Variants in SGPP1 observed in about 807,000 individuals in gnomAD.
SGPP1 encodes hSPP1.
Under a neutral mutation model 33.0 loss-of-function variants are expected in SGPP1, and 21 were observed. That is an observed-to-expected ratio of 0.64 (90% CI 0.45 to 0.92). The LOEUF is 0.92. Ranked by LOEUF, SGPP1 falls within the 40% of genes least tolerant of loss-of-function variation. The pLI is 0.00. For synonymous variants in SGPP1, 239 were observed against 241.2 expected (o/e 0.99, Z 0.08); for missense variants, 543 against 589.4 (o/e 0.92, Z 0.81).
At chr14:63,700,599 A>G (rs1885276760) in intron 1 of SGPP1, among the ~76,000 whole-genome samples, 1 of 152,212 alleles carries the variant, frequency 6.6e-6, no homozygotes, top group African/African-American at 2.4e-5. Context: ...ACACAAAAGC[A>G]TGCAAATGAT....
In SGPP1 at chr14:63,727,713, C is replaced by A; in HGVS notation, c.232G>T (p.Ala78Ser). 1 of 1,418,406 alleles carries A rather than the reference C, an allele frequency of 7.1e-7. No homozygotes were observed. Among genetic ancestry groups the A allele is most frequent in the Non-Finnish European group, 9.1e-7 (1 of 1,094,888 alleles). The allele number at this position is 1,418,406 out of a possible 1,614,324, so 87.9% of individuals were successfully genotyped here. ...GGGGCGCCGCCGCCGTCCGGCTTGG[C>A]CGGGCACTGATTGCGGTCGCTCCCG... Reference protein sequence around the residue: ...PPGSDRNQCPAKPDGGGAPNG... With the variant: ...PPGSDRNQCPSKPDGGGAPNG... The change falls in exon 1 of 3, where the codon GCC becomes TCC. Residue 78 changes from alanine (A) to serine (S), a missense_variant. Coordinates refer to ENST00000247225, the MANE Select transcript of SGPP1 (RefSeq NM_030791.4).
intron 1 of SGPP1, 49 bp downstream of exon 1, chr14:63,727,212 C>T: frequency 3.3e-6 from 5 of 1,524,720 alleles, no homozygotes; most frequent in East Asian, 2.3e-5. Context: ...AAGAGAACTC[C>T]GAGTTCTTTG....
rs748346423 is a variant in SGPP1 at position 63,686,498 on chromosome 14, G to A, written c.933C>T (p.Thr311=). 4 of 1,614,052 alleles carry A rather than the reference G, an allele frequency of 2.5e-6. No homozygotes were observed. Among genetic ancestry groups the A allele is most frequent in the East Asian group, 2.2e-5 (1 of 44,870 alleles). The change falls in exon 3 of 3, where the codon ACC becomes ACT. Residue 311 remains threonine (T), a synonymous_variant. Coordinates refer to ENST00000247225, the MANE Select transcript of SGPP1 (RefSeq NM_030791.4). ...ALGIFSFTLD[T]WSTSRGDTAE... is the part of the protein sequence containing the mutation. Reference sequence around the variant, plus strand: ...CTGTGTCTCCTCGGGATGTGCTCCAGGTGTCAAGAGTGAAAGAAAAGATCC... The same window carrying A: ...CTGTGTCTCCTCGGGATGTGCTCCAAGTGTCAAGAGTGAAAGAAAAGATCC...
intron 1 of SGPP1, among the ~76,000 whole-genome samples, chr14:63,719,541 A>T (rs945041477): frequency 3.9e-5 from 6 of 152,088 alleles, no homozygotes. Flanking sequence ...GTGTCATTAC[A>T]CTAGCAAACA....
chr14:63,695,205 C>T (rs890600211), intron 2 of SGPP1, among the ~76,000 whole-genome samples: 2 of 152,082 alleles, frequency 1.3e-5, no homozygotes, highest in Non-Finnish European at 2.9e-5. Flanking sequence ...TACAGGCGCC[C>T]GCCACCACGC....
Position 63,699,540 on chromosome 14 carries a change from A to C in SGPP1, c.685-882T>G, listed in dbSNP as rs148716924. Among the ~76,000 whole-genome samples the C allele has an allele frequency of 6.3e-3, 955 of 152,222 alleles. 11 individuals carry two copies. The highest frequency in any genetic ancestry group is 0.031 in the Middle Eastern group (9 of 294). On this transcript the variant is annotated intron_variant, in intron 1 of 2. Transcript: ENST00000247225. ...AGAAGAGTAGAAAATATTTAGTACG[A>C]AATTGTTGGTTTTTGGTGGTTTGTT...
Position 63,727,922 on chromosome 14 carries a change from G to A in SGPP1, c.23C>T (p.Ala8Val). 1 of 1,543,754 alleles carries A rather than the reference G, an allele frequency of 6.5e-7. No homozygotes were observed. The highest frequency in any genetic ancestry group is 8.7e-7 in the Non-Finnish European group (1 of 1,153,996). Residue 8 changes from alanine (A) to valine (V), a missense_variant, in exon 1 of 3, where the codon GCC becomes GTC. Transcript: ENST00000247225. The part of the protein sequence containing the change: MSLRQRL[A>V]QLVGRLQDPQ... Reference sequence around the variant, plus strand: ...GTCCTGCAGACGGCCAACCAGCTGGGCCAGGCGCTGCCTCAGCGACATGAT... The same window carrying A: ...GTCCTGCAGACGGCCAACCAGCTGGACCAGGCGCTGCCTCAGCGACATGAT...
At chr14:63,717,422 C>T (rs988765002) in intron 1 of SGPP1, among the ~76,000 whole-genome samples, 7 of 151,606 alleles carry the variant, frequency 4.6e-5, no homozygotes, top group Non-Finnish European at 8.8e-5. Flanking sequence ...CCCAGGTTCA[C>T]GCCATTCTCC....
rs139269196 is a variant in SGPP1, at chr14:63,727,312, G to A, written c.633C>T (p.Ser211=). The A allele has an allele frequency of 1.9e-5, 31 of 1,613,850 alleles. No individual in the cohort carries two copies. The highest frequency in any genetic ancestry group is 3.3e-5 in the Admixed American group (2 of 59,976). ...CCATAGAAATGGGGATGGCGGTGCC[G>A]GACATGGCATGGGTGGAGGGCATGC... is the stretch of plus-strand genomic sequence containing the variant. ...EYSMPSTHAM[S]GTAIPISMVL... The change falls in exon 1 of 3, where the codon TCC becomes TCT. Residue 211 remains serine, a synonymous_variant. Coordinates refer to ENST00000247225, the MANE Select transcript of SGPP1 (RefSeq NM_030791.4).
In SGPP1 at chr14:63,728,013, C is replaced by T; in HGVS notation, c.-69G>A. ...CCCGAACTGTCCCCGCGCTCCTGGC[C>T]AGCGGCAGCGGAACCGGCACAGCGC... On this transcript the variant is annotated 5_prime_UTR_variant, in exon 1 of 3. Coordinates refer to ENST00000247225, the MANE Select transcript of SGPP1 (RefSeq NM_030791.4). The T allele has an allele frequency of 2.1e-6, 3 of 1,427,628 alleles. No homozygotes were observed. The highest frequency in any genetic ancestry group is 2.7e-6 in the Non-Finnish European group (3 of 1,094,422). 88.4% of individuals were successfully genotyped at this position (1,427,628 alleles called of 1,614,324 possible).
At chr14:63,711,104 C>T (rs1885513345) in intron 1 of SGPP1, among the ~76,000 whole-genome samples, 2 of 151,362 alleles carry the variant, frequency 1.3e-5, no homozygotes, top group Non-Finnish European at 2.9e-5. Flanking sequence ...ACCTCTGCCT[C>T]CCGGGTTCAA....
Position 63,727,418 on chromosome 14 carries a change from C to T in SGPP1, c.527G>A (p.Cys176Tyr). ...IWVLVMYLGQ[C>Y]TKDIIRWPRP... ...CGGCCAGCGGATGATGTCCTTGGTG[C>T]ACTGGCCCAGGTACATGACCAGCAC... Residue 176 changes from cysteine (C) to tyrosine (Y), a missense_variant, in exon 1 of 3, where the codon TGC becomes TAC. Cys to Tyr is a radical substitution (Grantham distance 194). Coordinates refer to ENST00000247225, the MANE Select transcript of SGPP1 (RefSeq NM_030791.4). 1 of 1,613,972 alleles carries T rather than the reference C, an allele frequency of 6.2e-7. No homozygotes were observed. Among genetic ancestry groups the T allele is most frequent in the Non-Finnish European group, 8.5e-7 (1 of 1,179,980 alleles).
At chr14:63,717,475 T>C (rs2139651641) in intron 1 of SGPP1, among the ~76,000 whole-genome samples, 1 of 152,098 alleles carries the variant, frequency 6.6e-6, no homozygotes, top group East Asian at 1.9e-4. Context: ...GCACCCACCA[T>C]CATGCCCGGC....
At chr14:63,708,185 C>T (rs1885452780) in intron 1 of SGPP1, among the ~76,000 whole-genome samples, 2 of 149,490 alleles carry the variant, frequency 1.3e-5, no homozygotes, top group South Asian at 4.3e-4. Context: ...CTCTCCACTT[C>T]TTTTCTATTC....
chr14:63,727,135 T>G, intron 1 of SGPP1, 126 bp downstream of exon 1: 1 of 1,397,738 alleles, frequency 7.2e-7, no homozygotes, highest in Non-Finnish European at 9.3e-7. Context: ...TTTGCGAGTA[T>G]TGTGAAAACC....
At chr14:63,712,698 T>G (rs1490772736) in intron 1 of SGPP1, among the ~76,000 whole-genome samples, 1 of 151,998 alleles carries the variant, frequency 6.6e-6, no homozygotes, top group Non-Finnish European at 1.5e-5. Context: ...GGGAGGGTCT[T>G]GCTCTGTTGC....
At chr14:63,713,331 T>C (rs920477089) in intron 1 of SGPP1, among the ~76,000 whole-genome samples, 3 of 152,218 alleles carry the variant, frequency 2.0e-5, no homozygotes, top group African/African-American at 7.2e-5. Flanking sequence ...TTCTTACTGA[T>C]ATATCCAATT....
intron 1 of SGPP1, among the ~76,000 whole-genome samples, chr14:63,726,609 G>A (rs1410521649): frequency 6.6e-6 from 1 of 152,146 alleles, no homozygotes. Flanking sequence ...TACAGTTGTA[G>A]CTCAACAACT....
rs34386504 is a variant in SGPP1 at position 63,724,616 on chromosome 14, T to TAAA, written c.684+2642_684+2644dup. Among the ~76,000 whole-genome samples the TAAA allele has an allele frequency of 9.8e-3, 830 of 84,972 alleles. 16 individuals are homozygous for TAAA. The highest frequency in any genetic ancestry group is 0.037 in the African/African-American group (794 of 21,484). 55.7% of individuals were successfully genotyped at this position (84,972 alleles called of 152,430 possible). A position where few individuals can be genotyped will look rare whatever the true frequency, so the allele number is the denominator to read the frequency against. On this transcript the variant is annotated intron_variant, in intron 1 of 2. Transcript: ENST00000247225. ...GTTTTCAATAGATAACAAGGATCTT[T>TAAA]AAAAAAAAAAAAAAAAAAAAAAAAA...
Sources: gnomAD v4.1 joint callset for allele counts (sites outside exome capture counted in the v4.1 genomes callset) on GRCh38, gnomAD v4.1.1 for gene constraint, MANE v1.5 for transcripts, NCBI Gene and HGNC (gene_info 2026-07-23, HGNC 2026-07-21) for gene names.